The following CBX1 variants were observed in gnomAD, a reference collection of about 807,000 sequenced individuals.
CBX1 encodes the protein chromobox protein homolog 1.
CBX1 carries 10 observed loss-of-function variants against 25.1 expected under a neutral mutation model. The observed-to-expected ratio is 0.40, with a 90% CI of 0.25 to 0.68. The LOEUF (loss-of-function observed/expected upper bound fraction) is 0.68, where lower values mean the gene tolerates loss of function less well. Ranked by LOEUF, CBX1 falls within the 30% of genes least tolerant of loss-of-function variation. The probability of loss-of-function intolerance (pLI) is 0.40; values close to 1 mark genes in which losing one functional copy is unlikely to be tolerated. For synonymous variants in CBX1, 63 were observed against 79.4 expected, an observed-to-expected ratio of 0.79 and a Z score of 1.10; for missense variants, 106 against 218.5, an observed-to-expected ratio of 0.49 and a Z score of 3.25.
At chr17:48,071,947 T>C (rs1042136039) in intron 4 of CBX1, among the ~76,000 whole-genome samples, 1 of 151,794 alleles carries the variant, frequency 6.6e-6, no homozygotes, top group African/African-American at 2.4e-5. Flanking sequence ...CCAAAAGCCA[T>C]ATCCCAGCTG....
At chr17:48,084,770 C>T (rs112954260) in intron 1 of CBX1, among the ~76,000 whole-genome samples, 4 of 149,752 alleles carry the variant, frequency 2.7e-5, no homozygotes, top group African/African-American at 7.6e-5. Context: ...ATTAGCTGGG[C>T]GTGATGGCGG....
At chr17:48,089,997 T>C (rs1359201052) in intron 1 of CBX1, among the ~76,000 whole-genome samples, 1 of 151,278 alleles carries the variant, frequency 6.6e-6, no homozygotes. Context: ...CTCGGCTCAC[T>C]GCAACCTCCG....
At chr17:48,087,472 G>A (rs1218490424) in intron 1 of CBX1, among the ~76,000 whole-genome samples, 3 of 151,944 alleles carry the variant, frequency 2.0e-5, no homozygotes, top group African/African-American at 4.8e-5. Context: ...TACTCAGGAG[G>A]CTGAGGCAGG....
At chr17:48,090,050 C>T (rs556805229) in intron 1 of CBX1, among the ~76,000 whole-genome samples, 3 of 151,188 alleles carry the variant, frequency 2.0e-5, no homozygotes, top group Non-Finnish European at 4.4e-5. Context: ...CCTTCCAGGG[C>T]GTGCACCACC....
At chr17:48,092,924 G>A (rs1488624457) in intron 1 of CBX1, among the ~76,000 whole-genome samples, 2 of 151,984 alleles carry the variant, frequency 1.3e-5, no homozygotes, top group Non-Finnish European at 2.9e-5. Flanking sequence ...TACAAAATGA[G>A]CCGGACGTGG....
chr17:48,073,982 A>T (rs1293134796), intron 4 of CBX1, among the ~76,000 whole-genome samples: 1 of 152,164 alleles, frequency 6.6e-6, no homozygotes, highest in Non-Finnish European at 1.5e-5. Flanking sequence ...CCACCCAATA[A>T]GCAGCATCTT....
intron 1 of CBX1, among the ~76,000 whole-genome samples, chr17:48,087,506 G>A (rs954002969): frequency 1.0e-4 from 15 of 150,220 alleles, no homozygotes; most frequent in Non-Finnish European, 2.1e-4. Flanking sequence ...CCCGGGAGGC[G>A]GAGGTTGCAG....
chr17:48,079,651 G>T (rs1267357932), intron 1 of CBX1, among the ~76,000 whole-genome samples: 1 of 152,032 alleles, frequency 6.6e-6, no homozygotes, highest in East Asian at 1.9e-4. Context: ...GCGCCACCAT[G>T]CCTGGCTAAT....
intron 1 of CBX1, among the ~76,000 whole-genome samples, chr17:48,089,303 G>A (rs1175095269): frequency 1.3e-5 from 2 of 150,656 alleles, no homozygotes; most frequent in African/African-American, 4.9e-5. Context: ...GGGTTTCACT[G>A]TGTTAGCCAG....
chr17:48,074,737 A>C (rs1046629205), intron 4 of CBX1, among the ~76,000 whole-genome samples: 2 of 152,102 alleles, frequency 1.3e-5, no homozygotes, highest in Non-Finnish European at 1.5e-5. Flanking sequence ...ACAGAAGTGA[A>C]ATGTAATTCC....
intron 1 of CBX1, among the ~76,000 whole-genome samples, chr17:48,093,376 G>C (rs556821991): frequency 6.6e-6 from 1 of 151,540 alleles, no homozygotes. Flanking sequence ...GTCCGAAATG[G>C]CAAGCATACA....
At position 48,070,381 on chromosome 17, in the gene CBX1, G is replaced by T. The variant is rs1228102986; in HGVS notation, c.*1054C>A. On this transcript the variant is annotated 3_prime_UTR_variant, in exon 5 of 5. Transcript: ENST00000225603. Reference sequence around the variant, plus strand: ...ATCACTAAACTCTTGGATCAATTCAGTGAAACTTGTGCTGTCAGTGACTGA... The same window carrying T: ...ATCACTAAACTCTTGGATCAATTCATTGAAACTTGTGCTGTCAGTGACTGA... 6.6e-6 allele frequency: 1 copy of T among 152,640 alleles called. No individual in the cohort carries two copies. Among genetic ancestry groups the T allele is most frequent in the Non-Finnish European group, 1.5e-5 (1 of 68,042 alleles). 9.5% of individuals were successfully genotyped at this position (152,640 alleles called of 1,614,324 possible).
At position 48,070,645 on chromosome 17, in the gene CBX1, G is replaced by C. The variant is rs577695127; in HGVS notation, c.*790C>G. Reference sequence around the variant, plus strand: ...TAGCACCTCTAAGGCAGAATGATCTGCTTGTACTGTATACTCTCCAATAAA... The same window carrying C: ...TAGCACCTCTAAGGCAGAATGATCTCCTTGTACTGTATACTCTCCAATAAA... On this transcript the variant is annotated 3_prime_UTR_variant, in exon 5 of 5. Transcript: ENST00000225603. The C allele has an allele frequency of 3.3e-5, 5 of 152,754 alleles. No homozygotes were observed. The highest frequency in any genetic ancestry group is 1.2e-4 in the African/African-American group (5 of 41,550). 9.5% of individuals were successfully genotyped at this position (152,754 alleles called of 1,614,324 possible). A position where few individuals can be genotyped will look rare whatever the true frequency, so the allele number is the denominator to read the frequency against.
At chr17:48,089,159 G>A (rs901148430) in intron 1 of CBX1, among the ~76,000 whole-genome samples, 7 of 147,244 alleles carry the variant, frequency 4.8e-5, no homozygotes, top group Non-Finnish European at 1.0e-4. Flanking sequence ...GGAGTGCAGT[G>A]GTGTGATCTC....
rs1043380876 is a variant in CBX1, at chr17:48,101,418, C to G, written c.-188G>C. 5 of 985,418 alleles carry G rather than the reference C, an allele frequency of 5.1e-6. No homozygotes were observed. The highest frequency in any genetic ancestry group is 6.0e-6 in the Non-Finnish European group (5 of 830,012). The allele number at this position is 985,418 out of a possible 1,614,324, so 61.0% of individuals were successfully genotyped here. A position where few individuals can be genotyped will look rare whatever the true frequency, so the allele number is the denominator to read the frequency against. ...TGAAGCGGCGTACCGCAGGCCCCGGCCAACGGCCCTCCCCTCAGCCGAACA... is the reference window on the plus strand; with the variant it reads ...TGAAGCGGCGTACCGCAGGCCCCGGGCAACGGCCCTCCCCTCAGCCGAACA... On this transcript the variant is annotated 5_prime_UTR_variant, in exon 1 of 5. Transcript: ENST00000225603.
intron 1 of CBX1, among the ~76,000 whole-genome samples, chr17:48,080,334 G>A (rs1235808250): frequency 6.6e-6 from 1 of 151,972 alleles, no homozygotes; most frequent in Non-Finnish European, 1.5e-5. Flanking sequence ...TACCGTGCCC[G>A]GACCCAACTC....
At chr17:48,090,387 T>A (rs895628989) in intron 1 of CBX1, among the ~76,000 whole-genome samples, 1 of 152,212 alleles carries the variant, frequency 6.6e-6, no homozygotes, top group Non-Finnish European at 1.5e-5. Flanking sequence ...AGAATTCATA[T>A]AGCTTTTGCT....
At chr17:48,090,665 G>A (rs1356049959) in intron 1 of CBX1, among the ~76,000 whole-genome samples, 1 of 152,128 alleles carries the variant, frequency 6.6e-6, no homozygotes, top group East Asian at 1.9e-4. Context: ...GAAGGCCCCT[G>A]CACCTACACC....
chr17:48,100,587 T>C, intron 1 of CBX1: 1 of 363,270 alleles, frequency 2.8e-6, no homozygotes, highest in Non-Finnish European at 3.8e-6. Context: ...GGCGGCCTGC[T>C]TTCCCCTTTT....
Sources: gnomAD v4.1 joint callset for allele counts (sites outside exome capture counted in the v4.1 genomes callset) on GRCh38, gnomAD v4.1.1 for gene constraint, MANE v1.5 for transcripts, NCBI Gene and HGNC (gene_info 2026-07-23, HGNC 2026-07-21) for gene names.